ROCK1: variants seen among roughly 807,000 people sequenced by gnomAD.
The protein encoded by ROCK1 is Rho associated coiled-coil containing protein kinase 1.
ROCK1 carries 36 observed loss-of-function variants against 196.8 expected under a neutral mutation model. The observed-to-expected ratio is 0.18, with a 90% CI of 0.14 to 0.24. The LOEUF (loss-of-function observed/expected upper bound fraction) is 0.24, where lower values mean the gene tolerates loss of function less well. Among genes scored for constraint, ROCK1 ranks in the 10% least tolerant of loss-of-function variants. ROCK1 has a pLI of 1.00. For synonymous variants in ROCK1, 443 were observed against 515.9 expected (o/e 0.86, Z 1.91); for missense variants, 920 against 1,562.0 (o/e 0.59, Z 6.93).
chr18:21,012,073 G>A (rs1177622386), intron 13 of ROCK1, among the ~76,000 whole-genome samples: 3 of 152,018 alleles, frequency 2.0e-5, no homozygotes, highest in Non-Finnish European at 4.4e-5. Flanking sequence ...TCAGCCTCCT[G>A]AGTAGCTAGG....
chr18:21,016,660 A>C (rs537284190), intron 12 of ROCK1, among the ~76,000 whole-genome samples: 11 of 152,096 alleles, frequency 7.2e-5, no homozygotes, highest in Non-Finnish European at 1.5e-4. Flanking sequence ...CCCCAATACC[A>C]ATTTGCTTCT....
intron 8 of ROCK1, among the ~76,000 whole-genome samples, chr18:21,040,736 G>T (rs1165908663): frequency 6.6e-6 from 1 of 152,048 alleles, no homozygotes; most frequent in African/African-American, 2.4e-5. Context: ...TTCCCCCAAA[G>T]GACTATGAGG....
intron 9 of ROCK1, among the ~76,000 whole-genome samples, chr18:21,032,644 G>A (rs2036018886): frequency 2.0e-5 from 3 of 149,978 alleles, no homozygotes; most frequent in Non-Finnish European, 4.4e-5. Context: ...CTCAGCCTCT[G>A]ATGTAGCTGG....
In ROCK1 at chr18:20,959,864, T is replaced by C. The variant is rs147786322; in HGVS notation, c.3488A>G (p.Asn1163Ser). The part of the protein sequence containing the change: ...YNDEQDKEQS[N>S]PSMVLDIDKL... ...CTCTATGTCCAATACCATAGATGGATTGGATTGCTCCTTATCTTGTTCGTC... is the reference window on the plus strand; with the variant it reads ...CTCTATGTCCAATACCATAGATGGACTGGATTGCTCCTTATCTTGTTCGTC... The change falls in exon 29 of 33, where the codon AAT (asparagine) becomes AGT (serine). Residue 1163 changes from asparagine to serine, a missense_variant. By Grantham distance (46) the Asn-to-Ser change is conservative (BLOSUM62 1). This residue lies in a region of ROCK1 where 116 missense variants were observed against 204.2 expected (regional missense o/e 0.57). Coordinates refer to ENST00000399799, the MANE Select transcript of ROCK1 (RefSeq NM_005406.3). The C allele has an allele frequency of 1.1e-4, 172 of 1,610,070 alleles. No individual in the cohort carries two copies. The highest frequency in any genetic ancestry group is 1.2e-4 in the Non-Finnish European group (147 of 1,177,736).
In ROCK1 at chr18:20,950,963, T is replaced by C. The variant is rs2035181071; in HGVS notation, c.*421A>G. 6.3e-6 allele frequency: 1 copy of C among 157,778 alleles called. No homozygotes were observed. Among genetic ancestry groups the C allele is most frequent in the African/African-American group, 2.4e-5 (1 of 41,658 alleles). 9.8% of individuals were successfully genotyped at this position (157,778 alleles called of 1,614,324 possible). ...AAACAAAACTTCAGTTTGTCTCATT[T>C]TGAGATATTTTCTTTACTCCTTCCA... On this transcript the variant is annotated 3_prime_UTR_variant, in exon 33 of 33. Coordinates refer to ENST00000399799, the MANE Select transcript of ROCK1 (RefSeq NM_005406.3).
In ROCK1 at chr18:21,039,580, G is replaced by T. The variant is rs1357154624; in HGVS notation, c.960-17C>A. ...CTCACTTCCCTGAATAATGACAGAA[G>T]GAGAAAAGTAATCAATCATTTAAGA... On this transcript the variant is annotated splice_polypyrimidine_tract_variant and intron_variant, in intron 8 of 32. Transcript: ENST00000399799. 5 of 1,544,504 alleles carry T rather than the reference G, an allele frequency of 3.2e-6. No homozygotes were observed. Among genetic ancestry groups the T allele is most frequent in the South Asian group, 1.1e-5 (1 of 89,582 alleles).
chr18:21,102,307 A>T (rs547212643), intron 1 of ROCK1, among the ~76,000 whole-genome samples: 1 of 152,178 alleles, frequency 6.6e-6, no homozygotes, highest in Non-Finnish European at 1.5e-5. Context: ...GCTTTACTAC[A>T]AGTAAACCAA....
chr18:20,987,344 T>C (rs1250090625), intron 18 of ROCK1, among the ~76,000 whole-genome samples: 2 of 152,190 alleles, frequency 1.3e-5, no homozygotes, highest in African/African-American at 4.8e-5. Flanking sequence ...TAAACCCAGC[T>C]CTTGCCCAGT....
At position 20,953,741 on chromosome 18, in the gene ROCK1, A is replaced by T. The variant is rs553994989; in HGVS notation, c.3898T>A (p.Cys1300Ser). ...TSARDMLLLACSQDEQKKWVT... is the reference protein window; with the variant it reads ...TSARDMLLLASSQDEQKKWVT... The stretch of plus-strand genomic sequence containing the variant: ...CATTTTTTTTGTTCATCCTGAGAAC[A>T]TGCTAACAGCAGCATATCTCTTGCT... The change falls in exon 32 of 33, where the codon TGT (cysteine) becomes AGT (serine). Residue 1300 changes from cysteine to serine, a missense_variant. Cys to Ser is a moderately radical substitution (Grantham distance 112). Around this residue, in one of 6 missense-constraint regions of ROCK1, gnomAD observed 49 missense variants for 180.4 expected, o/e 0.27. Coordinates refer to ENST00000399799, the MANE Select transcript of ROCK1 (RefSeq NM_005406.3). 1 of 1,517,716 alleles carries T rather than the reference A, an allele frequency of 6.6e-7. No homozygotes were observed. The highest frequency in any genetic ancestry group is 1.4e-5 in the African/African-American group (1 of 71,124). The allele number at this position is 1,517,716 out of a possible 1,614,324, so 94.0% of individuals were successfully genotyped here. A position where few individuals can be genotyped will look rare whatever the true frequency, so the allele number is the denominator to read the frequency against.
At chr18:21,056,132 T>A (rs1318490817) in intron 2 of ROCK1, among the ~76,000 whole-genome samples, 1 of 152,168 alleles carries the variant, frequency 6.6e-6, no homozygotes, top group Non-Finnish European at 1.5e-5. Context: ...ATTCCAAGGC[T>A]CAGCCCTCAA....
At chr18:21,077,261 C>T (rs2036441278) in intron 1 of ROCK1, among the ~76,000 whole-genome samples, 3 of 152,178 alleles carry the variant, frequency 2.0e-5, no homozygotes, top group African/African-American at 7.2e-5. Context: ...GCGTGAGCCA[C>T]CGCGCCCGGC....
In ROCK1 at chr18:21,028,881, T is replaced by A; in HGVS notation, c.1106A>T (p.Asp369Val). ...LSSDIDTSNFDDLEEDKGEEE... is the reference protein window; with the variant it reads ...LSSDIDTSNFVDLEEDKGEEE... ...CTCTCCTTTATCTTCTTCCAAGTCA[T>A]CAAAATTACTAGTATCAATGTCACT... Residue 369 changes from aspartate (D) to valine (V), a missense_variant, in exon 10 of 33, where the codon GAT (aspartate) becomes GTT (valine). Asp to Val is a radical substitution (Grantham distance 152). Around this residue, in one of 6 missense-constraint regions of ROCK1, gnomAD observed 234 missense variants for 460.7 expected, o/e 0.51. Coordinates refer to ENST00000399799, the MANE Select transcript of ROCK1 (RefSeq NM_005406.3). The A allele has an allele frequency of 6.2e-7, 1 of 1,612,538 alleles. No homozygotes were observed. Among genetic ancestry groups the A allele is most frequent in the Non-Finnish European group, 8.5e-7 (1 of 1,179,496 alleles).
intron 9 of ROCK1, among the ~76,000 whole-genome samples, chr18:21,037,774 ACTATGAG>A (rs2036069719): frequency 6.6e-6 from 1 of 152,124 alleles, no homozygotes; most frequent in Non-Finnish European, 1.5e-5. Flanking sequence ...ATTCCATAAG[ACTATGAG>A]CTCCAGAAGG....
intron 1 of ROCK1, among the ~76,000 whole-genome samples, chr18:21,080,035 G>A (rs999412817): frequency 2.6e-5 from 4 of 152,116 alleles, no homozygotes; most frequent in African/African-American, 9.7e-5. Flanking sequence ...AGAGAAGTGA[G>A]AACAAAAGCG....
At position 21,045,351 on chromosome 18, in the gene ROCK1, G is replaced by T; in HGVS notation, c.531C>A (p.Phe177Leu). 6.2e-7 allele frequency: 1 copy of T among 1,613,808 alleles called. No homozygotes were observed. Among genetic ancestry groups the T allele is most frequent in the East Asian group, 2.2e-5 (1 of 44,860 alleles). The change falls in exon 5 of 33, where the codon TTC becomes TTA. Residue 177 changes from phenylalanine (F) to leucine (L), a missense_variant. This residue lies in a region of ROCK1 where 234 missense variants were observed against 460.7 expected (regional missense o/e 0.51). Transcript: ENST00000399799. ...NYDVPEKWAR[F>L]YTAEVVLALD... ...ATGCAAGAACTACTTCTGCAGTATA[G>T]AATCGTGCCCATTTTTCAGGCACAT...
Position 20,986,931 on chromosome 18 carries a change from T to G in ROCK1, c.2304+19A>C. 1 of 1,570,786 alleles carries G rather than the reference T, an allele frequency of 6.4e-7. No individual in the cohort carries two copies. The highest frequency in any genetic ancestry group is 8.6e-7 in the Non-Finnish European group (1 of 1,161,456). On this transcript the variant is annotated intron_variant, in intron 19 of 32. Transcript: ENST00000399799. ...TTTCTCTTTTAATAGATGAACAAAGTCAGTACTATTTTTCTTACTTCATCC... is the reference window on the plus strand; with the variant it reads ...TTTCTCTTTTAATAGATGAACAAAGGCAGTACTATTTTTCTTACTTCATCC...
intron 1 of ROCK1, among the ~76,000 whole-genome samples, chr18:21,091,903 C>T (rs553526249): frequency 4.0e-5 from 6 of 151,582 alleles, no homozygotes; most frequent in South Asian, 4.2e-4. Flanking sequence ...CGGGGGTGGG[C>T]GGTGGGGCAA....
chr18:20,978,385 GCTTCTA>G (rs749965084), intron 22 of ROCK1, among the ~76,000 whole-genome samples: 3 of 152,100 alleles, frequency 2.0e-5, no homozygotes, highest in Non-Finnish European at 4.4e-5. Flanking sequence ...ATCTGATTAA[GCTTCTA>G]AATCAGAAAT....
intron 2 of ROCK1, among the ~76,000 whole-genome samples, chr18:21,053,002 T>C (rs1028922236): frequency 6.6e-6 from 1 of 152,222 alleles, no homozygotes; most frequent in Non-Finnish European, 1.5e-5. Flanking sequence ...CACAGGCTAA[T>C]TCTTCAGTCA....
Sources: allele counts gnomAD v4.1 joint callset (sites outside exome capture counted in the v4.1 genomes callset), GRCh38; gene constraint gnomAD v4.1.1; regional missense constraint gnomAD v4.1.1; transcripts MANE v1.5; gene names NCBI Gene and HGNC (gene_info 2026-07-23, HGNC 2026-07-21).